SEZ6: variants seen among roughly 807,000 people sequenced by gnomAD.
SEZ6 encodes the protein seizure related 6 homolog, also known as seizure protein 6 homolog.
SEZ6 carries 53 observed loss-of-function variants against 101.0 expected under a neutral mutation model. The ratio of observed to expected loss-of-function variants is 0.52; its 90% CI spans 0.42 to 0.66. The LOEUF (loss-of-function observed/expected upper bound fraction) is 0.66, where lower values mean the gene tolerates loss of function less well. Ranked by LOEUF, SEZ6 falls within the 30% of genes least tolerant of loss-of-function variation. The probability of loss-of-function intolerance (pLI) is 0.00; values close to 1 mark genes in which losing one functional copy is unlikely to be tolerated. For synonymous variants in SEZ6, 488 were observed against 512.2 expected (o/e 0.95, Z 0.64); for missense variants, 1,102 against 1,289.4 (o/e 0.85, Z 2.23).
chr17:28,955,976 C>T lies in SEZ6; in HGVS notation c.2971G>A (p.Asp991Asn). The change falls in exon 17 of 17, where the codon GAC becomes AAC. Residue 991 changes from aspartate (D) to asparagine (N), a missense_variant. By Grantham distance (23) the Asp-to-Asn change is conservative (BLOSUM62 1). Coordinates refer to ENST00000317338, the MANE Select transcript of SEZ6 (RefSeq NM_178860.5). The part of the protein sequence containing the change: ...YETGSLSFAG[D>N]ERI ...AGATGGAGACTTCATATTCTCTCGT[C>T]TCCTGCAAAGGAAAGAGACTGCTGG... 1 of 1,612,734 alleles carries T rather than the reference C, an allele frequency of 6.2e-7. No homozygotes were observed. The highest frequency in any genetic ancestry group is 8.5e-7 in the Non-Finnish European group (1 of 1,179,386).
At chr17:28,958,364 C>T (rs552091485) in intron 10 of SEZ6, among the ~76,000 whole-genome samples, 1 of 152,322 alleles carries the variant, frequency 6.6e-6, no homozygotes, top group East Asian at 1.9e-4. Flanking sequence ...GGCCTTACTT[C>T]CAAAAGCACC....
intron 4 of SEZ6, among the ~76,000 whole-genome samples, chr17:28,968,220 G>C (rs748922353): frequency 6.6e-6 from 1 of 152,208 alleles, no homozygotes; most frequent in Non-Finnish European, 1.5e-5. Context: ...TGGGATCAGG[G>C]CTAATTACAG....
At position 29,005,271 on chromosome 17, in the gene SEZ6, C is replaced by T. The variant is rs1260786486; in HGVS notation, c.55+544G>A. On this transcript the variant is annotated intron_variant, in intron 1 of 16. Coordinates refer to ENST00000317338, the MANE Select transcript of SEZ6 (RefSeq NM_178860.5). This position sits in a 1 kb window ranked among gnomAD's most constrained non-coding sequence, Gnocchi z 4.8. Reference sequence around the variant, plus strand: ...GGTCCCGACTCTGGCGTGGCAGCGCCAGGGCATGGGGAGGTGAGCGAGGTC... The same window carrying T: ...GGTCCCGACTCTGGCGTGGCAGCGCTAGGGCATGGGGAGGTGAGCGAGGTC... Among the ~76,000 whole-genome samples, 1 of 152,202 alleles carries T rather than the reference C, an allele frequency of 6.6e-6. No homozygotes were observed. The highest frequency in any genetic ancestry group is 1.9e-4 in the East Asian group (1 of 5,162).
chr17:28,980,704 A>G (rs12943134), intron 2 of SEZ6, among the ~76,000 whole-genome samples: 21,133 of 150,812 alleles, frequency 0.14, 1,564 homozygotes, highest in South Asian at 0.26. Context: ...GGGTTTCACC[A>G]TGTTGGCCAG....
chr17:28,971,549 C>T (rs1386165826), intron 3 of SEZ6, among the ~76,000 whole-genome samples: 2 of 151,964 alleles, frequency 1.3e-5, no homozygotes, highest in East Asian at 1.9e-4. Flanking sequence ...GCCGAGATCG[C>T]GCCATTGCAC....
intron 2 of SEZ6, among the ~76,000 whole-genome samples, chr17:28,980,663 C>T (rs562737234): frequency 8.6e-5 from 13 of 151,802 alleles, no homozygotes; most frequent in South Asian, 4.2e-4. Context: ...CCACCGCGCC[C>T]GGCCAATTTT....
chr17:28,956,301 A>G, intron 15 of SEZ6, 40 bp from the exon 16 acceptor site: 1 of 1,586,730 alleles, frequency 6.3e-7, no homozygotes, highest in South Asian at 1.1e-5. Flanking sequence ...AGCACTGGGT[A>G]GGAGTGAGGT....
At chr17:28,999,795 T>G (rs1265572649) in intron 1 of SEZ6, among the ~76,000 whole-genome samples, 1 of 152,090 alleles carries the variant, frequency 6.6e-6, no homozygotes, top group Non-Finnish European at 1.5e-5. Context: ...CACAAAGCCC[T>G]CAAAGGACTG....
At chr17:28,961,838 C>A (rs1430052545) in intron 5 of SEZ6, among the ~76,000 whole-genome samples, 1 of 152,184 alleles carries the variant, frequency 6.6e-6, no homozygotes, top group African/African-American at 2.4e-5. Flanking sequence ...TCTCAGAGAC[C>A]AGGCTGCCAT....
chr17:29,000,180 G>A (rs1162230902), intron 1 of SEZ6, among the ~76,000 whole-genome samples: 1 of 152,194 alleles, frequency 6.6e-6, no homozygotes, highest in Non-Finnish European at 1.5e-5. Flanking sequence ...GCTATTATTT[G>A]GATAGTGATA....
intron 1 of SEZ6, among the ~76,000 whole-genome samples, chr17:28,985,953 G>T (rs1329024717): frequency 6.6e-6 from 1 of 152,118 alleles, no homozygotes; most frequent in Non-Finnish European, 1.5e-5. Flanking sequence ...CTCCCCTCCC[G>T]CAGGGCCGGG....
At position 28,958,133 on chromosome 17, in the gene SEZ6, G is replaced by C. The variant is rs375839200; in HGVS notation, c.2116C>G (p.Arg706Gly). ...GGCAGCTCCGGACATGTGTCATTGC[G>C]GGGCACCTCTGGGGGCACAGAGGCA... ...GFVIHFFEVP[R>G]NDTCPELPEI... Residue 706 changes from arginine to glycine, a missense_variant, in exon 11 of 17, where the codon CGC becomes GGC. Transcript: ENST00000317338. 5.7e-6 allele frequency: 9 copies of C among 1,592,880 alleles called. No individual in the cohort carries two copies. The highest frequency in any genetic ancestry group is 7.7e-6 in the Non-Finnish European group (9 of 1,163,274).
rs3052135 is a variant in SEZ6 at position 28,980,207 on chromosome 17, CTTTT to C, written c.725-398_725-395del. Among the ~76,000 whole-genome samples the C allele has an allele frequency of 3.1e-3, 416 of 132,916 alleles. 1 individual carries two copies. The highest frequency in any genetic ancestry group is 0.011 in the African/African-American group (383 of 35,188). The allele number at this position is 132,916 out of a possible 152,430, so 87.2% of individuals were successfully genotyped here. On this transcript the variant is annotated intron_variant, in intron 2 of 16. Coordinates refer to ENST00000317338, the MANE Select transcript of SEZ6 (RefSeq NM_178860.5). ...TAGCTCAATGAGGTTTGTTTTCTTT[CTTTT>C]TTTTTTTTTTTTTGAGACGGAGTTT...
rs1423763258 is a variant in SEZ6, at chr17:28,957,100, C to CT, written c.2636dup (p.Cys880ValfsTer11). 1 of 1,612,620 alleles carries CT rather than the reference C, an allele frequency of 6.2e-7. No individual in the cohort carries two copies. The highest frequency in any genetic ancestry group is 8.5e-7 in the Non-Finnish European group (1 of 1,178,824). On this transcript the variant is annotated frameshift_variant, in exon 13 of 17. Transcript: ENST00000317338. LOFTEE classifies it high-confidence loss of function. The stretch of plus-strand genomic sequence containing the variant: ...AATGCGAGGGGTGCCCAGGCACACA[C>CT]TTGATGCTGGCCTGGCCCTTCAGCA...
At chr17:29,004,798 A>G (rs2041663576) in intron 1 of SEZ6, among the ~76,000 whole-genome samples, 1 of 152,114 alleles carries the variant, frequency 6.6e-6, no homozygotes, top group African/African-American at 2.4e-5. Context: ...AGTAGCTTCC[A>G]TGAGAGCTTG....
rs780957940 is a variant in SEZ6 at position 28,955,698 on chromosome 17, C to T, written c.*264G>A. ...AGGATGCTGGCTGTTGATGCTTGTGCTCCAGCTATGTTCTTCCCACAGGTA... is the reference window on the plus strand; with the variant it reads ...AGGATGCTGGCTGTTGATGCTTGTGTTCCAGCTATGTTCTTCCCACAGGTA... On this transcript the variant is annotated 3_prime_UTR_variant, in exon 17 of 17. Coordinates refer to ENST00000317338, the MANE Select transcript of SEZ6 (RefSeq NM_178860.5). 30 of 662,766 alleles carry T rather than the reference C, an allele frequency of 4.5e-5. 1 individual carries two copies. Among genetic ancestry groups the T allele is most frequent in the Non-Finnish European group, 7.8e-5 (28 of 359,784 alleles). 41.1% of individuals were successfully genotyped at this position (662,766 alleles called of 1,614,324 possible). A position where few individuals can be genotyped will look rare whatever the true frequency, so the allele number is the denominator to read the frequency against.
chr17:29,005,736 C>G lies in SEZ6; in HGVS notation c.55+79G>C, dbSNP rs2152695002. The G allele has an allele frequency of 4.3e-6, 6 of 1,389,886 alleles. No individual in the cohort carries two copies. The South Asian group carries it at 5.2e-5, about 12-fold the overall frequency. 86.1% of individuals were successfully genotyped at this position (1,389,886 alleles called of 1,614,324 possible). On this transcript the variant is annotated intron_variant, in intron 1 of 16. Coordinates refer to ENST00000317338, the MANE Select transcript of SEZ6 (RefSeq NM_178860.5). This position sits in a 1 kb window ranked among gnomAD's most constrained non-coding sequence, Gnocchi z 4.8. Reference sequence around the variant, plus strand: ...GGACTGGGCAGCCAGATGCCCGAAGCTGGGCACCGGGTCTCCCTTCCCACC... The same window carrying G: ...GGACTGGGCAGCCAGATGCCCGAAGGTGGGCACCGGGTCTCCCTTCCCACC...
At chr17:28,986,580 G>A (rs1480506962) in intron 1 of SEZ6, among the ~76,000 whole-genome samples, 1 of 152,200 alleles carries the variant, frequency 6.6e-6, no homozygotes, top group Non-Finnish European at 1.5e-5. Context: ...GGTGGTGTGC[G>A]GTGGAGCTGG....
At chr17:28,969,667 C>G in intron 4 of SEZ6, 90 bp downstream of exon 4, 1 of 1,229,392 alleles carries the variant, frequency 8.1e-7, no homozygotes, top group Non-Finnish European at 1.1e-6. Flanking sequence ...TGCTCCTTCC[C>G]TCTAGGATGT....
Sources: allele counts gnomAD v4.1 joint callset (sites outside exome capture counted in the v4.1 genomes callset), GRCh38; gene constraint gnomAD v4.1.1; non-coding constraint Gnocchi (gnomAD v3.1); transcripts MANE v1.5; gene names NCBI Gene and HGNC (gene_info 2026-07-23, HGNC 2026-07-21).